CACNB4: variants seen among roughly 807,000 people sequenced by gnomAD.
CACNB4 encodes voltage-dependent L-type calcium channel subunit beta-4.
Under a neutral mutation model 71.2 loss-of-function variants are expected in CACNB4, and 32 were observed. The observed-to-expected ratio is 0.45, with a 90% CI of 0.34 to 0.60. The LOEUF is 0.60. Among genes scored for constraint, CACNB4 ranks in the 20% least tolerant of loss-of-function variants. The pLI, the probability that CACNB4 is intolerant of heterozygous loss-of-function variation, is 0.01. For missense variants in CACNB4, 464 were observed against 647.9 expected (o/e 0.72, Z 3.08); for synonymous variants, 231 against 236.9 (o/e 0.97, Z 0.23).
intron 10 of CACNB4, among the ~76,000 whole-genome samples, chr2:151,856,283 C>T (rs1293101710): frequency 6.6e-6 from 1 of 151,424 alleles, no homozygotes; most frequent in African/African-American, 2.4e-5. Context: ...CTGAATTATA[C>T]TATTTGATTT....
intron 2 of CACNB4, among the ~76,000 whole-genome samples, chr2:152,018,806 AACACACAC>A (rs10600477): frequency 8.2e-5 from 12 of 146,670 alleles, no homozygotes; most frequent in Middle Eastern, 3.4e-3. Context: ...CCTGTCTCAA[AACACACAC>A]ACACACACAC....
At chr2:151,963,137 C>G (rs62175759) in intron 2 of CACNB4, among the ~76,000 whole-genome samples, 4,577 of 151,810 alleles carry the variant, frequency 0.03, 77 homozygotes, top group African/African-American at 0.044. Context: ...ACAGTGAAAC[C>G]CTGTCTCTAC....
At chr2:152,079,328 TCCGCCTGC>T (rs1205852645) in intron 2 of CACNB4, among the ~76,000 whole-genome samples, 1 of 152,096 alleles carries the variant, frequency 6.6e-6, no homozygotes, top group Non-Finnish European at 1.5e-5. Context: ...GACCTCGTGA[TCCGCCTGC>T]CTCAGCCTCC....
intron 2 of CACNB4, among the ~76,000 whole-genome samples, chr2:152,000,850 G>A (rs1417397017): frequency 6.6e-6 from 1 of 152,200 alleles, no homozygotes; most frequent in Non-Finnish European, 1.5e-5. Flanking sequence ...CCTGGGCGGA[G>A]GATGTGCAGA....
chr2:152,099,021 C>A lies in CACNB4; in HGVS notation c.-10G>T. The A allele has an allele frequency of 6.6e-7, 1 of 1,520,644 alleles. No homozygotes were observed. The highest frequency in any genetic ancestry group is 8.8e-7 in the Non-Finnish European group (1 of 1,137,294). The allele number at this position is 1,520,644 out of a possible 1,614,324, so 94.2% of individuals were successfully genotyped here. A position where few individuals can be genotyped will look rare whatever the true frequency, so the allele number is the denominator to read the frequency against. On this transcript the variant is annotated 5_prime_UTR_variant, in exon 1 of 14. Coordinates refer to ENST00000539935, the MANE Select transcript of CACNB4 (RefSeq NM_000726.5). ...AGGAGGAGGAGGACATCGTTCAGAGCCGCCGCATGGCCAGCCCGTGTGCGG... is the reference window on the plus strand; with the variant it reads ...AGGAGGAGGAGGACATCGTTCAGAGACGCCGCATGGCCAGCCCGTGTGCGG...
At chr2:151,849,933 C>T (rs994299122) in intron 12 of CACNB4, among the ~76,000 whole-genome samples, 1 of 152,050 alleles carries the variant, frequency 6.6e-6, no homozygotes, top group Non-Finnish European at 1.5e-5. Context: ...CACAGCTACA[C>T]CCATTTGTTT....
chr2:151,977,678 G>T (rs1367058184), intron 2 of CACNB4, among the ~76,000 whole-genome samples: 1 of 152,198 alleles, frequency 6.6e-6, no homozygotes, highest in Non-Finnish European at 1.5e-5. Context: ...AACTGGTGCA[G>T]ATTTAGAAGC....
Position 151,872,586 on chromosome 2 carries a change from T to C in CACNB4, c.522-93A>G, listed in dbSNP as rs941108397. 6 of 706,332 alleles carry C rather than the reference T, an allele frequency of 8.5e-6. No individual in the cohort carries two copies. The Admixed American group carries it at 1.3e-4, about 16-fold the overall frequency. The allele number at this position is 706,332 out of a possible 1,614,324, so 43.8% of individuals were successfully genotyped here. The stretch of plus-strand genomic sequence containing the variant: ...AAGCTTTCTTTGGCCCTCATCCTAT[T>C]AAATAATTCAAAACACACCAAATTC... On this transcript the variant is annotated intron_variant, in intron 5 of 13. Coordinates refer to ENST00000539935, the MANE Select transcript of CACNB4 (RefSeq NM_000726.5).
intron 2 of CACNB4, among the ~76,000 whole-genome samples, chr2:152,096,640 T>C (rs539638575): frequency 3.3e-4 from 50 of 152,334 alleles, no homozygotes; most frequent in African/African-American, 1.1e-3. Context: ...AAAATCTACT[T>C]TGCTTTAAAT....
chr2:151,901,208 C>T (rs546646689), intron 2 of CACNB4, among the ~76,000 whole-genome samples: 1 of 152,106 alleles, frequency 6.6e-6, no homozygotes, highest in Admixed American at 6.5e-5. Context: ...TGGTCCTGAA[C>T]TCCTGAGCTC....
chr2:152,055,001 A>G (rs1443837809), intron 2 of CACNB4, among the ~76,000 whole-genome samples: 1 of 152,112 alleles, frequency 6.6e-6, no homozygotes, highest in East Asian at 1.9e-4. Context: ...ATTTCCTCCC[A>G]GTCTGTGGGT....
intron 2 of CACNB4, among the ~76,000 whole-genome samples, chr2:151,983,967 T>C (rs939755049): frequency 2.6e-5 from 4 of 152,188 alleles, no homozygotes; most frequent in Non-Finnish European, 5.9e-5. Flanking sequence ...GGCAATAGTA[T>C]CATAATTTTC....
chr2:151,973,143 A>G (rs6721518), intron 2 of CACNB4: 126,480 of 152,978 alleles, frequency 0.83, 53,795 homozygotes, highest in Middle Eastern at 0.93. Flanking sequence ...TCTGCACTGG[A>G]TTGCTGTATG....
intron 2 of CACNB4, chr2:151,969,296 C>T (rs2099871930): frequency 6.6e-6 from 1 of 152,234 alleles, no homozygotes; most frequent in Non-Finnish European, 1.5e-5. Context: ...GACCTCTGGC[C>T]TTCTTGTTTC....
At chr2:151,850,567 C>T (rs2099838816) in intron 12 of CACNB4, 1 of 152,146 alleles carries the variant, frequency 6.6e-6, no homozygotes, top group African/African-American at 2.4e-5. Context: ...TTTGAAAAGC[C>T]AGTTCTCTTG....
chr2:152,072,976 A>G (rs1686784922), intron 2 of CACNB4, among the ~76,000 whole-genome samples: 1 of 152,088 alleles, frequency 6.6e-6, no homozygotes, highest in Non-Finnish European at 1.5e-5. Flanking sequence ...AGGGTTGGAA[A>G]CTAAAATTCA....
intron 2 of CACNB4, among the ~76,000 whole-genome samples, chr2:151,998,382 G>A (rs528763995): frequency 1.3e-5 from 2 of 149,500 alleles, no homozygotes; most frequent in Admixed American, 1.3e-4. Flanking sequence ...GAAAATATGC[G>A]ATAAGTAGAA....
chr2:151,839,378 C>T lies in CACNB4; in HGVS notation c.1304G>A (p.Ser435Asn), dbSNP rs1483126517. ...GTGGTTGCTGTGCCTCATTCGCTGA[C>T]TCTAAAAATATCAGATAGTTCATTG... The part of the protein sequence containing the change: ...PYPTAISGLQ[S>N]QRMRHSNHST... The change falls in exon 14 of 14, where the codon AGT (serine) becomes AAT (asparagine). Residue 435 changes from serine to asparagine, a missense_variant and splice_region_variant. This residue lies in a region of CACNB4 where 115 missense variants were observed against 128.8 expected (regional missense o/e 0.89). Coordinates refer to ENST00000539935, the MANE Select transcript of CACNB4 (RefSeq NM_000726.5). 1.9e-6 allele frequency: 3 copies of T among 1,603,696 alleles called. No individual in the cohort carries two copies. The highest frequency in any genetic ancestry group is 4.5e-5 in the East Asian group (2 of 44,742).
intron 2 of CACNB4, chr2:151,971,913 T>A (rs1008773753): frequency 1.9e-5 from 7 of 364,752 alleles, no homozygotes; most frequent in African/African-American, 1.5e-4. Context: ...GCCCGGAGGA[T>A]CTCAGCCTGC....
Sources: gnomAD v4.1 joint callset for allele counts (sites outside exome capture counted in the v4.1 genomes callset) on GRCh38, gnomAD v4.1.1 for gene constraint, gnomAD v4.1.1 regional missense constraint, MANE v1.5 for transcripts, NCBI Gene and HGNC (gene_info 2026-07-23, HGNC 2026-07-21) for gene names.